Variants in RREB1 observed in about 807,000 individuals in gnomAD.
RREB1 encodes the protein ras responsive element binding protein 1.
Under a neutral mutation model 117.8 loss-of-function variants are expected in RREB1, and 27 were observed. That is an observed-to-expected ratio of 0.23 (90% confidence interval 0.17 to 0.32). The LOEUF (loss-of-function observed/expected upper bound fraction) is 0.32. RREB1 is among the 10% of genes least tolerant of loss of function. RREB1 has a pLI of 1.00. For synonymous variants in RREB1, 1,298 were observed against 1,026.7 expected (o/e 1.26, Z -5.05); for missense variants, 2,577 against 2,378.2 (o/e 1.08, Z -1.74).
chr6:7,160,694 TTTTTTC>T, intron 1 of RREB1, among the ~76,000 whole-genome samples: 1 of 151,700 alleles, frequency 6.6e-6, no homozygotes, highest in Non-Finnish European at 1.5e-5. Context: ...TTTTTCTTTT[TTTTTTC>T]TTTTTGAGAC....
At chr6:7,131,031 C>T (rs190686860) in intron 1 of RREB1, among the ~76,000 whole-genome samples, 3,249 of 148,580 alleles carry the variant, frequency 0.022, 62 homozygotes, top group Non-Finnish European at 0.035. Context: ...CTCCGCCTCT[C>T]GGGTTCACAC....
intron 1 of RREB1, among the ~76,000 whole-genome samples, chr6:7,124,499 G>C (rs1761823614): frequency 6.6e-6 from 1 of 152,128 alleles, no homozygotes; most frequent in Non-Finnish European, 1.5e-5. Flanking sequence ...TGAGTACACA[G>C]AAATCCAGTC....
At chr6:7,167,757 T>C (rs1764021940) in intron 1 of RREB1, among the ~76,000 whole-genome samples, 1 of 152,152 alleles carries the variant, frequency 6.6e-6, no homozygotes, top group Non-Finnish European at 1.5e-5. Flanking sequence ...CTACCTGGAA[T>C]GTTGGAGGAT....
chr6:7,247,932 C>T (rs2113207292), intron 12 of RREB1, among the ~76,000 whole-genome samples: 1 of 152,352 alleles, frequency 6.6e-6, no homozygotes, highest in Admixed American at 6.5e-5. Flanking sequence ...CCGCAGTGAA[C>T]ACATGTGCCC....
At chr6:7,181,083 A>C (rs1056798973) in intron 2 of RREB1, 41 bp from the exon 3 acceptor site, 6 of 397,952 alleles carry the variant, frequency 1.5e-5, no homozygotes, top group Admixed American at 4.4e-5. Flanking sequence ...TTCTTCACTA[A>C]GTGAAAAGAT....
At position 7,247,036 on chromosome 6, in the gene RREB1, C is replaced by T. The variant is rs1455110835; in HGVS notation, c.4586C>T (p.Pro1529Leu). Residue 1529 changes from proline to leucine, a missense_variant, in exon 12 of 13, where the codon CCC (proline) becomes CTC (leucine). Coordinates refer to ENST00000379938, the MANE Select transcript of RREB1 (RefSeq NM_001003699.4). ...AEKLAEETEG[P>L]SDGESAAEKR... ...AAGCTCGCGGAGGAGACGGAGGGCCCCTCCGACGGGGAGAGCGCGGCCGAG... is the reference window on the plus strand; with the variant it reads ...AAGCTCGCGGAGGAGACGGAGGGCCTCTCCGACGGGGAGAGCGCGGCCGAG... 1.9e-6 allele frequency: 3 copies of T among 1,612,474 alleles called. No homozygotes were observed. Among genetic ancestry groups the T allele is most frequent in the Admixed American group, 1.7e-5 (1 of 59,948 alleles).
chr6:7,223,279 A>AAAAG (rs1554125968), intron 8 of RREB1, among the ~76,000 whole-genome samples: 5 of 148,752 alleles, frequency 3.4e-5, no homozygotes, highest in Non-Finnish European at 7.5e-5. Context: ...AAAAAAAAAA[A>AAAAG]GGCCGGGCAC....
chr6:7,162,547 C>T (rs1242110407), intron 1 of RREB1, among the ~76,000 whole-genome samples: 1 of 152,116 alleles, frequency 6.6e-6, no homozygotes, highest in East Asian at 1.9e-4. Context: ...AGCCAGGGCT[C>T]TCTGTCTTAC....
chr6:7,116,423 A>ACC (rs758794140), intron 1 of RREB1, among the ~76,000 whole-genome samples: 2 of 151,764 alleles, frequency 1.3e-5, no homozygotes, highest in Admixed American at 6.6e-5. Flanking sequence ...AGTAACTTTT[A>ACC]CCCCCATCTG....
intron 5 of RREB1, among the ~76,000 whole-genome samples, chr6:7,188,260 C>T (rs1034925483): frequency 1.3e-4 from 16 of 126,318 alleles, no homozygotes; most frequent in African/African-American, 2.7e-4. Flanking sequence ...TGTGCGCGCG[C>T]GCACGTGTGT....
intron 1 of RREB1, among the ~76,000 whole-genome samples, chr6:7,122,398 T>TG (rs1433904829): frequency 6.6e-6 from 1 of 152,274 alleles, no homozygotes; most frequent in Admixed American, 6.5e-5. Context: ...CCTGAGTAGC[T>TG]GGGACTACAG....
chr6:7,143,581 CTCTT>C (rs1162026418), intron 1 of RREB1, among the ~76,000 whole-genome samples: 2 of 152,140 alleles, frequency 1.3e-5, no homozygotes, highest in African/African-American at 4.8e-5. Context: ...TGCTTGGGGC[CTCTT>C]TATCTAGACC....
Position 7,246,765 on chromosome 6 carries a change from G to A in RREB1, c.4315G>A (p.Gly1439Arg), listed in dbSNP as rs2281833. ...LAEGDGEAGAGGAASQEQKLA... is the reference protein window; with the variant it reads ...LAEGDGEAGARGAASQEQKLA... ...GGAGGGCGACGGCGAGGCAGGCGCCGGGGGCGCGGCCTCGCAGGAGCAGAA... is the reference window on the plus strand; with the variant it reads ...GGAGGGCGACGGCGAGGCAGGCGCCAGGGGCGCGGCCTCGCAGGAGCAGAA... Residue 1439 changes from glycine to arginine, a missense_variant, in exon 12 of 13, where the codon GGG becomes AGG. Physicochemically the swap from Gly to Arg is moderately radical, Grantham distance 125. Coordinates refer to ENST00000379938, the MANE Select transcript of RREB1 (RefSeq NM_001003699.4). 0.15 allele frequency: 236,202 copies of A among 1,559,244 alleles called. 20,134 individuals carry two copies. The highest frequency in any genetic ancestry group is 0.28 in the Admixed American group (14,198 of 51,542).
chr6:7,214,983 T>A (rs1766820374), intron 8 of RREB1: 1 of 152,250 alleles, frequency 6.6e-6, no homozygotes, highest in African/African-American at 2.4e-5. Flanking sequence ...AGATGCCAGC[T>A]CTTAGGATCA....
intron 1 of RREB1, among the ~76,000 whole-genome samples, chr6:7,151,897 CT>C (rs1224271164): frequency 6.6e-6 from 1 of 152,230 alleles, no homozygotes; most frequent in South Asian, 2.1e-4. Flanking sequence ...GTTTGAGTGT[CT>C]CTTGTGATGA....
chr6:7,141,419 A>G (rs748740011), intron 1 of RREB1, among the ~76,000 whole-genome samples: 7 of 152,068 alleles, frequency 4.6e-5, no homozygotes, highest in Non-Finnish European at 5.9e-5. Context: ...AAAATAATAA[A>G]TTCCTCTTAG....
rs771827293 is a variant in RREB1 at position 7,248,606 on chromosome 6, G to A, written c.4867G>A (p.Ala1623Thr). ...GCGGATCCACCAGAAAGCCAGGCAT[G>A]CCAAACACCACGGGAAGGACAGCGA... ...HQRIHQKARH[A>T]KHHGKDSDKE... The change falls in exon 13 of 13, where the codon GCC (alanine) becomes ACC (threonine). Residue 1623 changes from alanine to threonine, a missense_variant. Physicochemically the swap from Ala to Thr is moderately conservative, Grantham distance 58. Coordinates refer to ENST00000379938, the MANE Select transcript of RREB1 (RefSeq NM_001003699.4). The A allele has an allele frequency of 1.2e-5, 20 of 1,614,274 alleles. No individual in the cohort carries two copies. Among genetic ancestry groups the A allele is most frequent in the Non-Finnish European group, 1.5e-5 (18 of 1,180,056 alleles).
rs149965547 is a variant in RREB1 at position 7,229,988 on chromosome 6, C to T, written c.1889C>T (p.Pro630Leu). The T allele has an allele frequency of 4.4e-5, 71 of 1,607,458 alleles. No individual in the cohort carries two copies. Among genetic ancestry groups the T allele is most frequent in the Non-Finnish European group, 5.5e-5 (65 of 1,175,732 alleles). ...EGELKAFMTAPGGKKTPAMRK... is the reference protein window; with the variant it reads ...EGELKAFMTALGGKKTPAMRK... ...GAACTCAAGGCCTTCATGACAGCGCCCGGCGGCAAGAAGACGCCCGCCATG... is the reference window on the plus strand; with the variant it reads ...GAACTCAAGGCCTTCATGACAGCGCTCGGCGGCAAGAAGACGCCCGCCATG... The change falls in exon 10 of 13, where the codon CCC becomes CTC. Residue 630 changes from proline (P) to leucine (L), a missense_variant. Coordinates refer to ENST00000379938, the MANE Select transcript of RREB1 (RefSeq NM_001003699.4). This position sits in a 1 kb window ranked among gnomAD's most constrained non-coding sequence, Gnocchi z 4.5.
rs772211907 is a variant in RREB1, at chr6:7,240,513, G to A, written c.3884G>A (p.Arg1295His). ...TCTAACTGTGAACGCCACCAGTTGC[G>A]CAAACACGGAGTTACCACCTGTTCC... ...TKSNCERHQLRKHGVTTCSLR... is the reference protein window; with the variant it reads ...TKSNCERHQLHKHGVTTCSLR... Residue 1295 changes from arginine to histidine, a missense_variant, in exon 11 of 13, where the codon CGC becomes CAC. Transcript: ENST00000379938. The A allele has an allele frequency of 2.4e-5, 38 of 1,613,516 alleles. No homozygotes were observed. The highest frequency in any genetic ancestry group is 1.6e-4 in the Middle Eastern group (1 of 6,082).
Sources: gnomAD v4.1 joint callset for allele counts (sites outside exome capture counted in the v4.1 genomes callset) on GRCh38, gnomAD v4.1.1 for gene constraint, Gnocchi (gnomAD v3.1) non-coding constraint, MANE v1.5 for transcripts, NCBI Gene and HGNC (gene_info 2026-07-23, HGNC 2026-07-21) for gene names.